Variants in COL5A1 observed in about 807,000 individuals in gnomAD.
The protein encoded by COL5A1 is collagen type V alpha 1 chain, also known as collagen alpha-1(V) chain.
In COL5A1, 16 loss-of-function variants were observed where a neutral mutation model predicts 263.7. The ratio of observed to expected loss-of-function variants is 0.06; its 90% CI spans 0.04 to 0.09. The LOEUF is 0.09. Among genes scored for constraint, COL5A1 ranks in the 10% least tolerant of loss-of-function variants. The pLI is 1.00. For synonymous variants in COL5A1, 1,012 were observed against 1,004.5 expected, an observed-to-expected ratio of 1.01 and a Z score of -0.14; for missense variants, 2,036 against 2,540.5, an observed-to-expected ratio of 0.80 and a Z score of 4.27.
chr9:134,769,618 C>T (rs1378082584), intron 25 of COL5A1, among the ~76,000 whole-genome samples: 1 of 152,230 alleles, frequency 6.6e-6, no homozygotes, highest in East Asian at 1.9e-4. Context: ...TGTTCCCGTG[C>T]TGCTGGCTGT....
chr9:134,819,905 T>C (rs1008542455), intron 57 of COL5A1, among the ~76,000 whole-genome samples: 1 of 152,210 alleles, frequency 6.6e-6, no homozygotes, highest in Admixed American at 6.5e-5. Flanking sequence ...CCTGTCTGTT[T>C]TTAGACGTGA....
chr9:134,795,277 A>G lies in COL5A1; in HGVS notation c.2761A>G (p.Arg921Gly). 3.7e-6 allele frequency: 6 copies of G among 1,613,754 alleles called. No individual in the cohort carries two copies. Among genetic ancestry groups the G allele is most frequent in the Non-Finnish European group, 5.1e-6 (6 of 1,179,968 alleles). Residue 921 changes from arginine (R) to glycine (G), a missense_variant, in exon 34 of 66, where the codon AGA becomes GGA. Transcript: ENST00000371817. The stretch of plus-strand genomic sequence containing the variant: ...ATCTGTCCAGGGTCCGAGGGGTGAA[A>G]GAGGCCCCCGGGGCATCACTGGGAA... Reference protein sequence around the residue: ...QRGPTGPRGERGPRGITGKPG... With the variant: ...QRGPTGPRGEGGPRGITGKPG...
chr9:134,747,073 A>C (rs1018948543), intron 11 of COL5A1, among the ~76,000 whole-genome samples: 1 of 152,234 alleles, frequency 6.6e-6, no homozygotes, highest in Non-Finnish European at 1.5e-5. Context: ...ATGCAGGTTC[A>C]TGTTGGTGGC....
chr9:134,766,346 T>C, intron 21 of COL5A1, 108 bp from the exon 22 acceptor site: 1 of 1,080,152 alleles, frequency 9.3e-7, no homozygotes, highest in East Asian at 2.5e-5. Context: ...CGTCCTCTGA[T>C]TCGTCGTGGG....
intron 44 of COL5A1, 163 bp downstream of exon 44, chr9:134,810,471 G>C: frequency 1.6e-6 from 1 of 634,912 alleles, no homozygotes; most frequent in Admixed American, 2.8e-5. Context: ...ACGTGTGTGT[G>C]TGCACACGCG....
At chr9:134,759,410 CA>C (rs1836145798) in intron 18 of COL5A1, among the ~76,000 whole-genome samples, 2 of 142,816 alleles carry the variant, frequency 1.4e-5, no homozygotes, top group Admixed American at 7.1e-5. Context: ...CACACCCACA[CA>C]CACCCACACT....
At chr9:134,808,703 CAT>C (rs1192700135) in intron 42 of COL5A1, among the ~76,000 whole-genome samples, 3 of 152,300 alleles carry the variant, frequency 2.0e-5, no homozygotes, top group East Asian at 1.9e-4. Context: ...TGTGTGCGTA[CAT>C]GTCTTCATGT....
intron 25 of COL5A1, among the ~76,000 whole-genome samples, 178 bp from the exon 26 acceptor site, chr9:134,772,612 G>A (rs555372000): frequency 6.6e-6 from 1 of 152,250 alleles, no homozygotes; most frequent in South Asian, 2.1e-4. Context: ...GGCGGCTCGG[G>A]GAGGCCGGGC....
At chr9:134,724,418 C>G (rs560041664) in intron 4 of COL5A1, among the ~76,000 whole-genome samples, 30 of 152,318 alleles carry the variant, frequency 2.0e-4, no homozygotes, top group Non-Finnish European at 4.3e-4. Context: ...GCATGTGGGC[C>G]GGGCCTGTCC....
chr9:134,747,700 C>A (rs1417293417), intron 11 of COL5A1, among the ~76,000 whole-genome samples: 1 of 151,964 alleles, frequency 6.6e-6, no homozygotes, highest in Non-Finnish European at 1.5e-5. Context: ...AACACATGCA[C>A]ACATGCATTC....
intron 42 of COL5A1, chr9:134,808,838 C>T (rs2132837890): frequency 5.7e-6 from 2 of 352,958 alleles, no homozygotes; most frequent in South Asian, 5.7e-5. Context: ...CTCCCGGTCA[C>T]TAGCTTAGAC....
At position 134,700,083 on chromosome 9, in the gene COL5A1, A is replaced by G. The variant is rs1337546039; in HGVS notation, c.452A>G (p.Asp151Gly). ...CACACGGGGAAGCCTGGCCCGGAAGACTACCCCCTCTTCCGGGGCATCAAC... is the reference window on the plus strand; with the variant it reads ...CACACGGGGAAGCCTGGCCCGGAAGGCTACCCCCTCTTCCGGGGCATCAAC... Reference protein sequence around the residue: ...EDHTGKPGPEDYPLFRGINLS... With the variant: ...EDHTGKPGPEGYPLFRGINLS... Residue 151 changes from aspartate to glycine, a missense_variant, in exon 3 of 66, where the codon GAC becomes GGC. Physicochemically the swap from Asp to Gly is moderately conservative, Grantham distance 94. Around this residue, in one of 3 missense-constraint regions of COL5A1, gnomAD observed 600 missense variants for 634.5 expected, o/e 0.95. Transcript: ENST00000371817. This position sits in a 1 kb window ranked among gnomAD's most constrained non-coding sequence, Gnocchi z 4.0. 24 of 1,610,974 alleles carry G rather than the reference A, an allele frequency of 1.5e-5. No individual in the cohort carries two copies. The highest frequency in any genetic ancestry group is 1.9e-5 in the Non-Finnish European group (23 of 1,180,000).
At chr9:134,748,118 GACATGCATCCAC>G (rs1835632274) in intron 11 of COL5A1, among the ~76,000 whole-genome samples, 1 of 85,788 alleles carries the variant, frequency 1.2e-5, no homozygotes, top group Non-Finnish European at 2.7e-5. Context: ...TGCATACACA[GACATGCATCCAC>G]ACATGCATAC....
At chr9:134,774,974 G>A in intron 27 of COL5A1, 62 bp downstream of exon 27, 1 of 1,493,568 alleles carries the variant, frequency 6.7e-7, no homozygotes, top group Non-Finnish European at 9.3e-7. Flanking sequence ...TGTGGGCCTT[G>A]GCGTGGCTGG....
Position 134,652,376 on chromosome 9 carries a change from T to G in COL5A1, c.109+10080T>G, listed in dbSNP as rs1588402790. ...GGGTGGGGCAAGGAGATGCCCCAGG[T>G]GGAGCCATCGGGAGAGGGAGAGGGG... On this transcript the variant is annotated intron_variant, in intron 1 of 65. Coordinates refer to ENST00000371817, the MANE Select transcript of COL5A1 (RefSeq NM_000093.5). This position sits in a 1 kb window ranked among gnomAD's most constrained non-coding sequence, Gnocchi z 4.4. Among the ~76,000 whole-genome samples the G allele has an allele frequency of 1.2e-5, 1 of 83,240 alleles. No individual in the cohort carries two copies. Among genetic ancestry groups the G allele is most frequent in the Admixed American group, 1.8e-4 (1 of 5,536 alleles). The allele number at this position is 83,240 out of a possible 152,430, so 54.6% of individuals were successfully genotyped here.
intron 28 of COL5A1, among the ~76,000 whole-genome samples, chr9:134,780,533 C>T (rs7030235): frequency 0.15 from 23,175 of 151,986 alleles, 1,945 homozygotes; most frequent in African/African-American, 0.22. Flanking sequence ...CGAGGGTCCA[C>T]TTAGTTGTTA....
At chr9:134,785,928 C>T in intron 30 of COL5A1, 67 bp from the exon 31 acceptor site, 1 of 1,467,210 alleles carries the variant, frequency 6.8e-7, no homozygotes, top group East Asian at 2.3e-5. Context: ...TGTCCTTTCT[C>T]TCTGCTCCGG....
At chr9:134,706,732 G>A (rs1165185805) in intron 4 of COL5A1, among the ~76,000 whole-genome samples, 1 of 152,238 alleles carries the variant, frequency 6.6e-6, no homozygotes, top group African/African-American at 2.4e-5. Flanking sequence ...AGCACTGTGG[G>A]CCCCCGCCTG....
intron 63 of COL5A1, among the ~76,000 whole-genome samples, chr9:134,826,568 T>C (rs1839271342): frequency 1.1e-5 from 1 of 88,774 alleles, no homozygotes. Context: ...TGTGTGTGTG[T>C]GTAGATGCTG....
Sources: allele counts gnomAD v4.1 joint callset (sites outside exome capture counted in the v4.1 genomes callset), GRCh38; gene constraint gnomAD v4.1.1; regional missense constraint gnomAD v4.1.1; non-coding constraint Gnocchi (gnomAD v3.1); transcripts MANE v1.5; gene names NCBI Gene and HGNC (gene_info 2026-07-23, HGNC 2026-07-21).